CD302: variants seen among roughly 807,000 people sequenced by gnomAD.
CD302 encodes CD302 molecule, also known as CD302 antigen.
A neutral mutation model predicts 26.5 loss-of-function variants in CD302; 23 were observed. The ratio of observed to expected loss-of-function variants is 0.87; its 90% CI spans 0.62 to 1.23. CD302 has a LOEUF of 1.23. CD302 is among the 50% of genes most tolerant of loss of function. CD302 has a pLI of 0.00. For missense variants in CD302, 290 were observed against 275.5 expected, an observed-to-expected ratio of 1.05 and a Z score of -0.37; for synonymous variants, 90 against 99.4, an observed-to-expected ratio of 0.91 and a Z score of 0.56.
intron 5 of CD302, among the ~76,000 whole-genome samples, chr2:159,775,135 TAG>T (rs1708271585): frequency 6.6e-6 from 1 of 152,230 alleles, no homozygotes; most frequent in South Asian, 2.1e-4. Context: ...CCATCTCACA[TAG>T]TTTTGTTTTA....
intron 1 of CD302, 72 bp downstream of exon 1, chr2:159,798,060 G>C: frequency 7.1e-7 from 1 of 1,403,628 alleles, no homozygotes; most frequent in Non-Finnish European, 9.5e-7. Context: ...GCGCGGGGAC[G>C]AAGAGCGTGC....
At position 159,771,655 on chromosome 2, in the gene CD302, C is replaced by G. The variant is rs1028356437; in HGVS notation, c.*196G>C. On this transcript the variant is annotated 3_prime_UTR_variant, in exon 6 of 6. Transcript: ENST00000259053. ...GATGCTTAAAATCACTATATTAGAT[C>G]TAAGATCATTTCTAAAACCTGTTTT... The G allele has an allele frequency of 1.7e-6, 1 of 604,520 alleles. No individual in the cohort carries two copies. Among genetic ancestry groups the G allele is most frequent in the Admixed American group, 3.3e-5 (1 of 30,172 alleles). 37.4% of individuals were successfully genotyped at this position (604,520 alleles called of 1,614,324 possible). A position where few individuals can be genotyped will look rare whatever the true frequency, so the allele number is the denominator to read the frequency against.
chr2:159,789,485 A>C (rs935930697), intron 1 of CD302, among the ~76,000 whole-genome samples: 5 of 150,080 alleles, frequency 3.3e-5, no homozygotes, highest in Non-Finnish European at 3.0e-5. Flanking sequence ...ATTTCTGAAA[A>C]CTCTAATTTC....
At chr2:159,780,248 A>G (rs1454008644) in intron 3 of CD302, 70 bp from the exon 4 acceptor site, 3 of 1,538,634 alleles carry the variant, frequency 1.9e-6, no homozygotes, top group Non-Finnish European at 2.6e-6. Flanking sequence ...AGGGTGTAGG[A>G]TTAAAGGTGG....
Position 159,779,933 on chromosome 2 carries a change from A to G in CD302, c.469+72T>C, listed in dbSNP as rs1708457395. ...CTATTTATTGAGGCACACTTATCTC[A>G]AAATTATTTTAAAACCAGTCCTACT... is the stretch of plus-strand genomic sequence containing the variant. On this transcript the variant is annotated intron_variant, in intron 4 of 5. Coordinates refer to ENST00000259053, the MANE Select transcript of CD302 (RefSeq NM_014880.5). 6 of 1,525,154 alleles carry G rather than the reference A, an allele frequency of 3.9e-6. No homozygotes were observed. In the South Asian group the frequency reaches 7.8e-5, roughly 20 times the overall value. 94.5% of individuals were successfully genotyped at this position (1,525,154 alleles called of 1,614,324 possible).
In CD302 at chr2:159,777,948, T is replaced by C. The variant is rs1191451123; in HGVS notation, c.486A>G (p.Lys162=). The C allele has an allele frequency of 6.9e-6, 7 of 1,011,058 alleles. No homozygotes were observed. The highest frequency in any genetic ancestry group is 9.9e-6 in the Non-Finnish European group (7 of 707,338). The allele number at this position is 1,011,058 out of a possible 1,614,324, so 62.6% of individuals were successfully genotyped here. The part of the protein sequence containing the change: ...LCKTAIPYKR[K]YLSDNHILIS... ...CAAATCATTACTTACCTGATAAATA[T>C]TTCCTTTTGTATGGGACTAAAATAC... is the stretch of plus-strand genomic sequence containing the variant. Residue 162 remains lysine (K), a synonymous_variant, in exon 5 of 6, where the codon AAA becomes AAG. Coordinates refer to ENST00000259053, the MANE Select transcript of CD302 (RefSeq NM_014880.5).
intron 5 of CD302, among the ~76,000 whole-genome samples, chr2:159,776,479 CTG>C (rs978455669): frequency 9.2e-5 from 14 of 152,234 alleles, no homozygotes; most frequent in Admixed American, 2.0e-4. Context: ...AACCACCACA[CTG>C]TTTTTCACAG....
In CD302 at chr2:159,794,305, TA is replaced by T. The variant is rs10656353; in HGVS notation, c.67+3826del. On this transcript the variant is annotated intron_variant, in intron 1 of 5. Transcript: ENST00000259053. ...AATAAAATAAAATAAAATAAAATAA[TA>T]AAAAAAAAAACACTAAATAACCCAC... 6.8e-4 allele frequency among the ~76,000 whole-genome samples: 74 copies of T among 108,410 alleles called. 1 individual carries two copies. Among genetic ancestry groups the T allele is most frequent in the Middle Eastern group, 4.6e-3 (1 of 218 alleles). 71.1% of individuals were successfully genotyped at this position (108,410 alleles called of 152,430 possible).
chr2:159,773,879 T>G (rs1708231530), intron 5 of CD302, among the ~76,000 whole-genome samples: 2 of 152,162 alleles, frequency 1.3e-5, no homozygotes, highest in African/African-American at 4.8e-5. Context: ...GAAACAAAAT[T>G]TAGGAAAAAT....
intron 1 of CD302, among the ~76,000 whole-genome samples, chr2:159,785,681 A>AG (rs1300137179): frequency 6.6e-6 from 1 of 151,642 alleles, no homozygotes; most frequent in African/African-American, 2.4e-5. Flanking sequence ...TTCTTTGAAA[A>AG]TCTGGCCTTT....
Position 159,776,697 on chromosome 2 carries a change from A to AT in CD302, c.496+1240dup, listed in dbSNP as rs753454427. 2.8e-3 allele frequency among the ~76,000 whole-genome samples: 323 copies of AT among 114,608 alleles called. 1 individual carries two copies. Among genetic ancestry groups the AT allele is most frequent in the East Asian group, 0.022 (86 of 3,830 alleles). The allele number at this position is 114,608 out of a possible 152,430, so 75.2% of individuals were successfully genotyped here. A position where few individuals can be genotyped will look rare whatever the true frequency, so the allele number is the denominator to read the frequency against. On this transcript the variant is annotated intron_variant, in intron 5 of 5. Transcript: ENST00000259053. The stretch of plus-strand genomic sequence containing the variant: ...AAAACTGGCAAAGGACTCACATCCA[A>AT]TTTTTTTTTTTTTTTTTTTTTTTTT...
chr2:159,788,395 C>T (rs890329588), intron 1 of CD302, among the ~76,000 whole-genome samples: 8 of 152,176 alleles, frequency 5.3e-5, no homozygotes, highest in African/African-American at 1.4e-4. Context: ...ATACAGGTTC[C>T]GCAAGTTACT....
rs1373970432 is a variant in CD302, at chr2:159,770,265, C to G, written c.*1586G>C. On this transcript the variant is annotated 3_prime_UTR_variant, in exon 6 of 6. Coordinates refer to ENST00000259053, the MANE Select transcript of CD302 (RefSeq NM_014880.5). Reference sequence around the variant, plus strand: ...TAAAATAGACATCTCAATCACTATACAAAATCTCAGAAATGTAAAGCTCTT... The same window carrying G: ...TAAAATAGACATCTCAATCACTATAGAAAATCTCAGAAATGTAAAGCTCTT... 1 of 152,118 alleles carries G rather than the reference C, an allele frequency of 6.6e-6. No individual in the cohort carries two copies. The highest frequency in any genetic ancestry group is 1.5e-5 in the Non-Finnish European group (1 of 68,018). The allele number at this position is 152,118 out of a possible 1,614,324, so 9.4% of individuals were successfully genotyped here.
chr2:159,797,219 G>A (rs1036580686), intron 1 of CD302, among the ~76,000 whole-genome samples: 1 of 122,312 alleles, frequency 8.2e-6, no homozygotes, highest in African/African-American at 3.2e-5. Context: ...CTGGGGCAAG[G>A]GGTGGGGGGG....
Position 159,798,164 on chromosome 2 carries a change from G to A in CD302, c.35C>T (p.Pro12Leu). The A allele has an allele frequency of 6.7e-7, 1 of 1,482,462 alleles. No individual in the cohort carries two copies. The highest frequency in any genetic ancestry group is 1.3e-5 in the South Asian group (1 of 78,718). The allele number at this position is 1,482,462 out of a possible 1,614,324, so 91.8% of individuals were successfully genotyped here. Residue 12 changes from proline (P) to leucine (L), a missense_variant, in exon 1 of 6, where the codon CCG becomes CTG. Physicochemically the swap from Pro to Leu is moderately conservative, Grantham distance 98 (BLOSUM62 -3). Coordinates refer to ENST00000259053, the MANE Select transcript of CD302 (RefSeq NM_014880.5). ...LRAALPALLL[P>L]LLGLAAAAVA... ...GGCAGCAGCGGCGAGGCCCAGCAAC[G>A]GCAGCAGGAGCGCGGGCAGCGCGGC...
intron 5 of CD302, among the ~76,000 whole-genome samples, chr2:159,773,539 G>C (rs1708219223): frequency 6.6e-6 from 1 of 152,172 alleles, no homozygotes; most frequent in South Asian, 2.1e-4. Flanking sequence ...AGCTTTAAAA[G>C]ACCGGGTATC....
chr2:159,795,595 A>G (rs901727326), intron 1 of CD302, among the ~76,000 whole-genome samples: 3 of 152,212 alleles, frequency 2.0e-5, no homozygotes, highest in African/African-American at 4.8e-5. Context: ...GTGTTCAGGG[A>G]GGCTTCGGAG....
intron 1 of CD302, among the ~76,000 whole-genome samples, chr2:159,796,457 C>T (rs1192778315): frequency 2.6e-5 from 4 of 152,134 alleles, no homozygotes; most frequent in Admixed American, 2.6e-4. Flanking sequence ...TGAACCACGC[C>T]TGTAATAGGG....
intron 5 of CD302, among the ~76,000 whole-genome samples, chr2:159,773,626 T>G (rs192053284): frequency 3.1e-4 from 47 of 152,326 alleles, no homozygotes; most frequent in African/African-American, 1.1e-3. Flanking sequence ...GCAAGTGACC[T>G]TTAGCCAAAG....
Sources: allele counts gnomAD v4.1 joint callset (sites outside exome capture counted in the v4.1 genomes callset), GRCh38; gene constraint gnomAD v4.1.1; transcripts MANE v1.5; gene names NCBI Gene and HGNC (gene_info 2026-07-23, HGNC 2026-07-21).